The following RIMS1 variants were observed in gnomAD, a reference collection of about 807,000 sequenced individuals.
The protein encoded by RIMS1 is regulating synaptic membrane exocytosis 1.
A neutral mutation model predicts 214.1 loss-of-function variants in RIMS1; 83 were observed. That is an observed-to-expected ratio of 0.39 (90% CI 0.32 to 0.47). The LOEUF is 0.47. Ranked by LOEUF, RIMS1 falls within the 20% of genes least tolerant of loss-of-function variation. The pLI is 0.99. For synonymous variants in RIMS1, 793 were observed against 786.8 expected, an observed-to-expected ratio of 1.01 and a Z score of -0.13; for missense variants, 2,050 against 2,161.8, an observed-to-expected ratio of 0.95 and a Z score of 1.03.
At chr6:72,077,174 C>G (rs990467002) in intron 2 of RIMS1, among the ~76,000 whole-genome samples, 1 of 152,202 alleles carries the variant, frequency 6.6e-6, no homozygotes, top group Non-Finnish European at 1.5e-5. Flanking sequence ...ACTCCTCACT[C>G]AGGCTTCCCT....
intron 2 of RIMS1, among the ~76,000 whole-genome samples, chr6:72,016,731 G>A (rs1812889553): frequency 6.6e-6 from 1 of 152,042 alleles, no homozygotes; most frequent in Non-Finnish European, 1.5e-5. Flanking sequence ...TCTTTTAACT[G>A]TATTTGACAG....
At chr6:71,992,594 TCC>T (rs1802132694) in intron 2 of RIMS1, among the ~76,000 whole-genome samples, 1 of 133,804 alleles carries the variant, frequency 7.5e-6, no homozygotes, top group African/African-American at 2.9e-5. Context: ...CTCCTTCTCC[TCC>T]TCCTTCTCCT....
At chr6:72,036,256 A>G (rs1292498916) in intron 2 of RIMS1, among the ~76,000 whole-genome samples, 1 of 152,152 alleles carries the variant, frequency 6.6e-6, no homozygotes, top group Non-Finnish European at 1.5e-5. Flanking sequence ...GAGTTTCTTA[A>G]TTTTCCAAAA....
intron 4 of RIMS1, among the ~76,000 whole-genome samples, chr6:72,134,316 A>G (rs2040922909): frequency 6.6e-6 from 1 of 151,986 alleles, no homozygotes; most frequent in South Asian, 2.1e-4. Flanking sequence ...ACTTATAAAA[A>G]TATGTATATA....
chr6:72,087,756 C>G lies in RIMS1; in HGVS notation c.246-9193C>G, dbSNP rs140762691. Among the ~76,000 whole-genome samples the G allele has an allele frequency of 4.1e-3, 617 of 152,272 alleles. 4 individuals are homozygous for G. Among genetic ancestry groups the G allele is most frequent in the African/African-American group, 0.015 (603 of 41,530 alleles). The stretch of plus-strand genomic sequence containing the variant: ...GGATCATACTCATAAAGCCATATTT[C>G]ATCTACTATTAACAAATCTTCAAAT... On this transcript the variant is annotated intron_variant, in intron 2 of 33. Transcript: ENST00000521978.
intron 26 of RIMS1, among the ~76,000 whole-genome samples, chr6:72,298,114 T>C (rs189945486): frequency 2.2e-4 from 34 of 152,092 alleles, no homozygotes; most frequent in African/African-American, 7.2e-4. Flanking sequence ...GTGCTGAAAC[T>C]GGGACAGTTC....
chr6:72,248,080 C>T lies in RIMS1; in HGVS notation c.2194C>T (p.Pro732Ser), dbSNP rs2154129232. ...CATTTCTGTTATTTCTCCAACAAGT[C>T]CTGGAGCTCTAAAAGATGCCCCACA... ...PSISVISPTS[P>S]GALKDAPQVL... Residue 732 changes from proline (P) to serine (S), a missense_variant, in exon 12 of 34, where the codon CCT becomes TCT. Around this residue, in one of 6 missense-constraint regions of RIMS1, gnomAD observed 111 missense variants for 166.2 expected, o/e 0.67. Transcript: ENST00000521978. 6 of 1,613,170 alleles carry T rather than the reference C, an allele frequency of 3.7e-6. No homozygotes were observed. Among genetic ancestry groups the T allele is most frequent in the Non-Finnish European group, 5.1e-6 (6 of 1,179,442 alleles).
chr6:72,053,350 A>G (rs1427469609), intron 2 of RIMS1, among the ~76,000 whole-genome samples: 4 of 152,122 alleles, frequency 2.6e-5, no homozygotes, highest in African/African-American at 7.2e-5. Context: ...GTGTTTCTCA[A>G]ATTTCTGGGA....
intron 33 of RIMS1, 72 bp from the exon 34 acceptor site, chr6:72,400,424 T>C (rs2098827552): frequency 1.6e-6 from 2 of 1,284,352 alleles, no homozygotes; most frequent in African/African-American, 1.5e-5. Context: ...TTTTACAGCA[T>C]AGTTGCTTTG....
chr6:72,129,615 G>A (rs2153837453), intron 4 of RIMS1, among the ~76,000 whole-genome samples: 1 of 152,112 alleles, frequency 6.6e-6, no homozygotes, highest in African/African-American at 2.4e-5. Context: ...ATATGATTTG[G>A]ATTCTAAGTA....
chr6:71,949,640 C>T (rs1788865181), intron 1 of RIMS1, among the ~76,000 whole-genome samples: 1 of 152,264 alleles, frequency 6.6e-6, no homozygotes, highest in East Asian at 1.9e-4. Context: ...AAATGTTAAA[C>T]TTACTTAACT....
intron 29 of RIMS1, among the ~76,000 whole-genome samples, chr6:72,381,490 C>G (rs2098486236): frequency 6.6e-6 from 1 of 152,238 alleles, no homozygotes; most frequent in South Asian, 2.1e-4. Context: ...GTTTCCCGCT[C>G]TCTTATCTGG....
At chr6:72,036,822 A>C (rs1465379901) in intron 2 of RIMS1, among the ~76,000 whole-genome samples, 1 of 152,188 alleles carries the variant, frequency 6.6e-6, no homozygotes, top group East Asian at 1.9e-4. Flanking sequence ...GTTGTCACGC[A>C]TGTAGAGTTG....
At chr6:72,281,188 A>G (rs117550152) in intron 23 of RIMS1, among the ~76,000 whole-genome samples, 2,262 of 152,238 alleles carry the variant, frequency 0.015, 20 homozygotes, top group Middle Eastern at 0.031. Flanking sequence ...GTAAGCGAGA[A>G]CAAAGTGTTC....
intron 1 of RIMS1, among the ~76,000 whole-genome samples, chr6:71,956,655 C>T (rs1364673732): frequency 2.6e-5 from 4 of 152,128 alleles, no homozygotes; most frequent in African/African-American, 7.2e-5. Flanking sequence ...GTATCGACCT[C>T]TCATAAAAGC....
chr6:72,373,788 T>G (rs1595631271), intron 29 of RIMS1, among the ~76,000 whole-genome samples: 2 of 152,234 alleles, frequency 1.3e-5, no homozygotes, highest in East Asian at 3.8e-4. Context: ...TTGGTAAACC[T>G]TAATCCACCA....
At chr6:72,287,684 C>T (rs1019004360) in intron 24 of RIMS1, among the ~76,000 whole-genome samples, 1 of 151,818 alleles carries the variant, frequency 6.6e-6, no homozygotes, top group African/African-American at 2.4e-5. Flanking sequence ...CAGCCTCTGC[C>T]TCCTGGGTTC....
intron 6 of RIMS1, among the ~76,000 whole-genome samples, chr6:72,218,462 GA>G (rs1251490529): frequency 2.6e-5 from 4 of 152,196 alleles, no homozygotes; most frequent in African/African-American, 9.7e-5. Context: ...GAGGCAAATG[GA>G]AAAGTAGCCA....
At chr6:72,358,841 C>G (rs1564485458) in intron 29 of RIMS1, among the ~76,000 whole-genome samples, 1 of 152,122 alleles carries the variant, frequency 6.6e-6, no homozygotes, top group Non-Finnish European at 1.5e-5. Context: ...ACATCAGGCT[C>G]CAGCTAACTA....
Sources: gnomAD v4.1 joint callset for allele counts (sites outside exome capture counted in the v4.1 genomes callset) on GRCh38, gnomAD v4.1.1 for gene constraint, gnomAD v4.1.1 regional missense constraint, MANE v1.5 for transcripts, NCBI Gene and HGNC (gene_info 2026-07-23, HGNC 2026-07-21) for gene names.